Variants in PTPRO observed in about 807,000 individuals in gnomAD.
The protein encoded by PTPRO is protein tyrosine phosphatase receptor type O, also known as receptor-type tyrosine-protein phosphatase O.
In PTPRO, 62 loss-of-function variants were observed where a neutral mutation model predicts 145.2. The ratio of observed to expected loss-of-function variants is 0.43; its 90% CI spans 0.35 to 0.53. The LOEUF (loss-of-function observed/expected upper bound fraction) is 0.53, where lower values mean the gene tolerates loss of function less well. PTPRO is among the 20% of genes least tolerant of loss of function. PTPRO has a pLI of 0.01. For missense variants in PTPRO, 1,345 were observed against 1,482.7 expected, an observed-to-expected ratio of 0.91 and a Z score of 1.53; for synonymous variants, 565 against 514.7, an observed-to-expected ratio of 1.10 and a Z score of -1.32.
chr12:15,360,595 G>C (rs1179167625), intron 1 of PTPRO, among the ~76,000 whole-genome samples: 1 of 151,458 alleles, frequency 6.6e-6, no homozygotes, highest in Non-Finnish European at 1.5e-5. Flanking sequence ...GATTGATTTA[G>C]TATCTCTCTT....
chr12:15,573,097 A>G (rs1034978975), intron 19 of PTPRO, among the ~76,000 whole-genome samples: 6 of 152,150 alleles, frequency 3.9e-5, no homozygotes, highest in African/African-American at 1.2e-4. Flanking sequence ...AACAAATATG[A>G]TGTATATATA....
rs775473934 is a variant in PTPRO at position 15,504,030 on chromosome 12, C to T, written c.1228C>T (p.Arg410Ter). 5.6e-6 allele frequency: 9 copies of T among 1,612,924 alleles called. No individual in the cohort carries two copies. Among genetic ancestry groups the T allele is most frequent in the Non-Finnish European group, 2.5e-6 (3 of 1,179,322 alleles). ...TFSSSGSCET[R>*]KSQSAKSLSF... ...TAGTTCCTCAGGATCTTGTGAAACT[C>T]GAAAAAGTCAGTCAGCAAAATCACT... The change falls in exon 6 of 27, where the codon CGA (arginine) becomes TGA (stop). Residue 410 changes from arginine to a stop codon, truncating the protein, a stop_gained. Transcript: ENST00000281171. LOFTEE classifies it high-confidence loss of function.
At chr12:15,358,020 A>G (rs1300955587) in intron 1 of PTPRO, among the ~76,000 whole-genome samples, 1 of 151,554 alleles carries the variant, frequency 6.6e-6, no homozygotes, top group Admixed American at 6.6e-5. Flanking sequence ...GATTAAGAAA[A>G]TGTGGCACAT....
At chr12:15,343,927 GC>G (rs1459355062) in intron 1 of PTPRO, among the ~76,000 whole-genome samples, 4 of 152,044 alleles carry the variant, frequency 2.6e-5, no homozygotes, top group Non-Finnish European at 5.9e-5. Flanking sequence ...CTCGTGATCC[GC>G]CCGCCTCGGC....
At chr12:15,367,758 C>T (rs1419346973) in intron 1 of PTPRO, among the ~76,000 whole-genome samples, 1 of 152,180 alleles carries the variant, frequency 6.6e-6, no homozygotes, top group African/African-American at 2.4e-5. Flanking sequence ...TCTTTGACAT[C>T]TCTCTTTCTG....
chr12:15,519,274 CCCCCATGATT>C (rs1942663594), intron 9 of PTPRO, among the ~76,000 whole-genome samples: 1 of 152,204 alleles, frequency 6.6e-6, no homozygotes, highest in Admixed American at 6.5e-5. Context: ...GAAAGACCTG[CCCCCATGATT>C]CAGTTATCTC....
intron 1 of PTPRO, among the ~76,000 whole-genome samples, chr12:15,326,461 T>A (rs951358043): frequency 2.6e-5 from 4 of 152,252 alleles, no homozygotes; most frequent in Admixed American, 1.3e-4. Context: ...AGACTATCGT[T>A]GTGTGAAGGA....
chr12:15,344,114 C>T (rs1296945586), intron 1 of PTPRO, among the ~76,000 whole-genome samples: 3 of 152,102 alleles, frequency 2.0e-5, no homozygotes, highest in Non-Finnish European at 4.4e-5. Context: ...ATATAAAAAC[C>T]GGCTTTGTCA....
At chr12:15,428,011 T>C (rs1333483873) in intron 1 of PTPRO, among the ~76,000 whole-genome samples, 1 of 152,174 alleles carries the variant, frequency 6.6e-6, no homozygotes, top group Non-Finnish European at 1.5e-5. Flanking sequence ...GTTTTAACAA[T>C]TGTTATGAAA....
At chr12:15,494,896 T>G (rs1942070231) in intron 2 of PTPRO, among the ~76,000 whole-genome samples, 1 of 152,196 alleles carries the variant, frequency 6.6e-6, no homozygotes, top group Admixed American at 6.5e-5. Context: ...GTGGCTACTT[T>G]TTCTGTCTCC....
intron 12 of PTPRO, among the ~76,000 whole-genome samples, chr12:15,527,079 G>A (rs762994633): frequency 4.3e-4 from 66 of 152,072 alleles, no homozygotes; most frequent in Non-Finnish European, 8.7e-4. Flanking sequence ...TGGCAGCATA[G>A]AAGCAAGCTG....
chr12:15,334,255 A>T (rs1866692750), intron 1 of PTPRO, among the ~76,000 whole-genome samples: 1 of 152,192 alleles, frequency 6.6e-6, no homozygotes. Flanking sequence ...CGGAAATTTT[A>T]AAAATGACTT....
intron 2 of PTPRO, among the ~76,000 whole-genome samples, chr12:15,495,171 T>G (rs1284886941): frequency 6.6e-6 from 1 of 151,904 alleles, no homozygotes; most frequent in Non-Finnish European, 1.5e-5. Flanking sequence ...TTAACCAGAC[T>G]ATAGCACATA....
intron 14 of PTPRO, 87 bp from the exon 15 acceptor site, chr12:15,551,464 C>T (rs566718163): frequency 6.5e-7 from 1 of 1,531,584 alleles, no homozygotes; most frequent in East Asian, 2.3e-5. Context: ...GCTCACTGCC[C>T]TTAAGACTAG....
At chr12:15,356,044 T>A (rs1195231023) in intron 1 of PTPRO, among the ~76,000 whole-genome samples, 1 of 152,190 alleles carries the variant, frequency 6.6e-6, no homozygotes, top group African/African-American at 2.4e-5. Flanking sequence ...TGGGCAAAAA[T>A]GTTGCTCAGA....
In PTPRO at chr12:15,484,043, G is replaced by A. The variant is rs368110581; in HGVS notation, c.145G>A (p.Val49Ile). 4.0e-5 allele frequency: 65 copies of A among 1,613,596 alleles called. No homozygotes were observed. Among genetic ancestry groups the A allele is most frequent in the Admixed American group, 6.7e-5 (4 of 60,000 alleles). ...CGTTGTCTCATTAGAAGCTTCAGACGTCATCAGTCCAGCATCTGTGTATGT... is the reference window on the plus strand; with the variant it reads ...CGTTGTCTCATTAGAAGCTTCAGACATCATCAGTCCAGCATCTGTGTATGT... ...NIVVSLEASD[V>I]ISPASVYVVK... Residue 49 changes from valine to isoleucine, a missense_variant, in exon 2 of 27, where the codon GTC becomes ATC. Physicochemically the swap from Val to Ile is conservative, Grantham distance 29 (BLOSUM62 3). Transcript: ENST00000281171.
chr12:15,580,183 G>C (rs920453271), intron 21 of PTPRO, 68 bp downstream of exon 21: 2 of 1,223,828 alleles, frequency 1.6e-6, no homozygotes, highest in Non-Finnish European at 1.2e-6. Flanking sequence ...AGGGCTATAT[G>C]GATGTGTCAA....
chr12:15,403,467 C>G (rs748084984), intron 1 of PTPRO, among the ~76,000 whole-genome samples: 14 of 152,120 alleles, frequency 9.2e-5, no homozygotes, highest in Non-Finnish European at 2.1e-4. Context: ...CCTGTAGTCC[C>G]AGATACTCTG....
intron 7 of PTPRO, among the ~76,000 whole-genome samples, chr12:15,511,451 C>A (rs971628532): frequency 1.3e-5 from 2 of 152,136 alleles, no homozygotes; most frequent in East Asian, 1.9e-4. Flanking sequence ...AATCCAATTA[C>A]CCCTTTGTCA....
Sources: gnomAD v4.1 joint callset for allele counts (sites outside exome capture counted in the v4.1 genomes callset) on GRCh38, gnomAD v4.1.1 for gene constraint, MANE v1.5 for transcripts, NCBI Gene and HGNC (gene_info 2026-07-23, HGNC 2026-07-21) for gene names.